NFRKB: variants seen among roughly 807,000 people sequenced by gnomAD.
The protein encoded by NFRKB is nuclear factor related to kappa-B-binding protein.
A neutral mutation model predicts 135.7 loss-of-function variants in NFRKB; 62 were observed. The ratio of observed to expected loss-of-function variants is 0.46; its 90% CI spans 0.37 to 0.56. The LOEUF (loss-of-function observed/expected upper bound fraction) is 0.56. NFRKB is among the 20% of genes least tolerant of loss of function. The pLI is 0.00. For missense variants in NFRKB, 1,545 were observed against 1,662.0 expected (o/e 0.93, Z 1.22); for synonymous variants, 678 against 635.6 (o/e 1.07, Z -1.00).
In NFRKB at chr11:129,883,198, C is replaced by T. The variant is rs1323174147; in HGVS notation, c.825G>A (p.Pro275=). The change falls in exon 9 of 27, where the codon CCG becomes CCA. Residue 275 remains proline (P), a synonymous_variant. Coordinates refer to ENST00000682444, the MANE Select transcript of NFRKB (RefSeq NM_001143835.2). The part of the protein sequence containing the change: ...HEKRKHQPDH[P]DLLTGDLTLN... ...GAGTCAGGTCCCCTGTCAAAAGGTCCGGGTGATCCTAGATGTGATATCCAG... is the reference window on the plus strand; with the variant it reads ...GAGTCAGGTCCCCTGTCAAAAGGTCTGGGTGATCCTAGATGTGATATCCAG... 3.7e-6 allele frequency: 6 copies of T among 1,613,874 alleles called. No individual in the cohort carries two copies. The highest frequency in any genetic ancestry group is 4.2e-6 in the Non-Finnish European group (5 of 1,179,990).
chr11:129,889,429 T>C (rs541936953), intron 3 of NFRKB, among the ~76,000 whole-genome samples: 6 of 152,174 alleles, frequency 3.9e-5, no homozygotes, highest in East Asian at 3.9e-4. Flanking sequence ...GGTGGACATC[T>C]GAATTCCGCC....
At chr11:129,885,786 T>C (rs1274279135) in intron 5 of NFRKB, among the ~76,000 whole-genome samples, 177 bp from the exon 6 acceptor site, 2 of 152,240 alleles carry the variant, frequency 1.3e-5, no homozygotes, top group Non-Finnish European at 2.9e-5. Flanking sequence ...ATTGATTACA[T>C]GAAAAATCCC....
intron 6 of NFRKB, 142 bp from the exon 7 acceptor site, chr11:129,884,988 C>G: frequency 8.0e-7 from 1 of 1,257,276 alleles, no homozygotes; most frequent in Non-Finnish European, 1.1e-6. Context: ...GACCCTACCC[C>G]AGAGGAGCTG....
At chr11:129,881,277 G>GA (rs1491248541) in intron 13 of NFRKB, among the ~76,000 whole-genome samples, 166 bp downstream of exon 13, 1 of 152,156 alleles carries the variant, frequency 6.6e-6, no homozygotes, top group Non-Finnish European at 1.5e-5. Context: ...AACCCACCTT[G>GA]AGAGTACAAA....
intron 11 of NFRKB, 24 bp downstream of exon 11, chr11:129,882,062 C>T (rs926866469): frequency 6.3e-7 from 1 of 1,575,120 alleles, no homozygotes; most frequent in African/African-American, 1.4e-5. Context: ...TCTAATGTAC[C>T]TCCAACTTTT....
Position 129,864,832 on chromosome 11 carries a change from G to C in NFRKB, c.3793C>G (p.Pro1265Ala), listed in dbSNP as rs1201102684. The C allele has an allele frequency of 6.2e-7, 1 of 1,614,162 alleles. No individual in the cohort carries two copies. Among genetic ancestry groups the C allele is most frequent in the South Asian group, 1.1e-5 (1 of 91,090 alleles). Residue 1265 changes from proline (P) to alanine (A), a missense_variant, in exon 27 of 27, where the codon CCT becomes GCT. This residue lies in a region of NFRKB where 753 missense variants were observed against 804.3 expected (regional missense o/e 0.94). Transcript: ENST00000682444. ...QATQVRIQTVPASHLQQGTAS... is the reference protein window; with the variant it reads ...QATQVRIQTVAASHLQQGTAS... ...GTTCCCTGTTGGAGATGGGATGCAGGGACAGTCTGGATGCGCACCTGTTTG... is the reference window on the plus strand; with the variant it reads ...GTTCCCTGTTGGAGATGGGATGCAGCGACAGTCTGGATGCGCACCTGTTTG...
At chr11:129,885,892 T>A (rs61913691) in intron 5 of NFRKB, among the ~76,000 whole-genome samples, 51,264 of 152,000 alleles carry the variant, frequency 0.34, 9,899 homozygotes, top group East Asian at 0.46. Context: ...TGACTTAAAA[T>A]CCAAACAGCT....
chr11:129,886,210 C>T (rs1247217907), intron 5 of NFRKB, 107 bp downstream of exon 5: 17 of 1,281,450 alleles, frequency 1.3e-5, no homozygotes, highest in Non-Finnish European at 1.9e-5. Flanking sequence ...TAATTGGTAG[C>T]ATTTTTTTCT....
chr11:129,892,855 C>T lies in NFRKB; in HGVS notation c.-6G>A. On this transcript the variant is annotated 5_prime_UTR_variant, in exon 3 of 27. Coordinates refer to ENST00000682444, the MANE Select transcript of NFRKB (RefSeq NM_001143835.2). Reference sequence around the variant, plus strand: ...ATATGGTCTAAGGAATCCATTGTTTCTTCTCCACAGGTACTCTGGACAAAG... The same window carrying T: ...ATATGGTCTAAGGAATCCATTGTTTTTTCTCCACAGGTACTCTGGACAAAG... The T allele has an allele frequency of 6.2e-7, 1 of 1,614,200 alleles. No individual in the cohort carries two copies. The highest frequency in any genetic ancestry group is 8.5e-7 in the Non-Finnish European group (1 of 1,180,034).
At chr11:129,872,085 T>C (rs1046099461) in intron 23 of NFRKB, among the ~76,000 whole-genome samples, 17 of 152,184 alleles carry the variant, frequency 1.1e-4, no homozygotes, top group African/African-American at 4.1e-4. Flanking sequence ...CTTTCAAATG[T>C]CACCTCCCCA....
Position 129,873,774 on chromosome 11 carries a change from T to C in NFRKB, c.2521A>G (p.Thr841Ala). ...PAGPQIRVPA[T>A]ATQTKVVPQT... is the part of the protein sequence containing the mutation. ...GGCACTACTTTGGTCTGTGTGGCAGTGGCTGGAACCCGGATCTGCGGTCCT... is the reference window on the plus strand; with the variant it reads ...GGCACTACTTTGGTCTGTGTGGCAGCGGCTGGAACCCGGATCTGCGGTCCT... Residue 841 changes from threonine to alanine, a missense_variant, in exon 22 of 27, where the codon ACT becomes GCT. Physicochemically the swap from Thr to Ala is moderately conservative, Grantham distance 58 (BLOSUM62 0). Transcript: ENST00000682444. 1.9e-6 allele frequency: 3 copies of C among 1,614,098 alleles called. No individual in the cohort carries two copies. Among genetic ancestry groups the C allele is most frequent in the Non-Finnish European group, 2.5e-6 (3 of 1,179,966 alleles).
At chr11:129,868,135 A>C (rs1477185291) in intron 24 of NFRKB, among the ~76,000 whole-genome samples, 1 of 152,190 alleles carries the variant, frequency 6.6e-6, no homozygotes, top group Non-Finnish European at 1.5e-5. Context: ...AGATCTGTAG[A>C]GCAAAAGACT....
rs1194659499 is a variant in NFRKB at position 129,883,020 on chromosome 11, C to G, written c.901+102G>C. 2.0e-5 allele frequency: 20 copies of G among 1,020,746 alleles called. No individual in the cohort carries two copies. The Middle Eastern group carries it at 8.2e-4, about 42-fold the overall frequency. 63.2% of individuals were successfully genotyped at this position (1,020,746 alleles called of 1,614,324 possible). A position where few individuals can be genotyped will look rare whatever the true frequency, so the allele number is the denominator to read the frequency against. On this transcript the variant is annotated intron_variant, in intron 9 of 26. Coordinates refer to ENST00000682444, the MANE Select transcript of NFRKB (RefSeq NM_001143835.2). The stretch of plus-strand genomic sequence containing the variant: ...AAGAGGTAATAATAAAGGTTACCAG[C>G]ATGAGAGAGGCCATGGTTTCATTTA...
rs775444771 is a variant in NFRKB, at chr11:129,888,789, T to C, written c.142A>G (p.Ile48Val). ...GAGAGGCTGACAACATCAAAGAAGA[T>C]CTCAGGCTAGGAGAAATAGGAAAAG... ...LPEDLLEDPE[I>V]FFDVVSLSTW... Residue 48 changes from isoleucine (I) to valine (V), a missense_variant, in exon 4 of 27, where the codon ATC becomes GTC. This residue lies in a region of NFRKB where 678 missense variants were observed against 646.7 expected (regional missense o/e 1.05). Coordinates refer to ENST00000682444, the MANE Select transcript of NFRKB (RefSeq NM_001143835.2). 2.2e-5 allele frequency: 36 copies of C among 1,612,252 alleles called. No individual in the cohort carries two copies. Among genetic ancestry groups the C allele is most frequent in the Non-Finnish European group, 3.1e-5 (36 of 1,178,646 alleles).
At position 129,883,162 on chromosome 11, in the gene NFRKB, G is replaced by A; in HGVS notation, c.861C>T (p.Ile287=). Residue 287 remains isoleucine, a synonymous_variant, in exon 9 of 27, where the codon ATC becomes ATT. Transcript: ENST00000682444. ...LLTGDLTLND[I]MTRVNAGRKG... ...TCCTGCCAGCATTTACTCGAGTCATGATGTCATTGAGAGTCAGGTCCCCTG... is the reference window on the plus strand; with the variant it reads ...TCCTGCCAGCATTTACTCGAGTCATAATGTCATTGAGAGTCAGGTCCCCTG... The A allele has an allele frequency of 6.2e-7, 1 of 1,614,126 alleles. No homozygotes were observed. The highest frequency in any genetic ancestry group is 2.2e-5 in the East Asian group (1 of 44,870).
intron 23 of NFRKB, 24 bp downstream of exon 23, chr11:129,872,860 C>G (rs752853257): frequency 1.3e-6 from 2 of 1,566,972 alleles, no homozygotes; most frequent in South Asian, 2.4e-5. Context: ...GGATTGAGAT[C>G]CACGTGGAAA....
At chr11:129,890,740 T>A (rs917232128) in intron 3 of NFRKB, among the ~76,000 whole-genome samples, 1 of 152,196 alleles carries the variant, frequency 6.6e-6, no homozygotes, top group Non-Finnish European at 1.5e-5. Flanking sequence ...ACCTTAATGA[T>A]GACAATGACG....
At chr11:129,868,064 G>C (rs1011511399) in intron 24 of NFRKB, among the ~76,000 whole-genome samples, 16 of 151,912 alleles carry the variant, frequency 1.1e-4, no homozygotes, top group Non-Finnish European at 2.2e-4. Flanking sequence ...GGAAGACACA[G>C]ACACGAAACC....
chr11:129,892,836 T>G lies in NFRKB; in HGVS notation c.14A>C (p.Asp5Ala). The G allele has an allele frequency of 1.9e-6, 3 of 1,614,102 alleles. No individual in the cohort carries two copies. Among genetic ancestry groups the G allele is most frequent in the South Asian group, 2.2e-5 (2 of 91,080 alleles). ...TTCCAGAGGATCTGTCAGCATATGG[T>G]CTAAGGAATCCATTGTTTCTTCTCC... is the stretch of plus-strand genomic sequence containing the variant. MDSL[D>A]HMLTDPLELG... The change falls in exon 3 of 27, where the codon GAC becomes GCC. Residue 5 changes from aspartate to alanine, a missense_variant. Asp to Ala is a moderately radical substitution (Grantham distance 126). Around this residue, in one of 3 missense-constraint regions of NFRKB, gnomAD observed 678 missense variants for 646.7 expected, o/e 1.05. Coordinates refer to ENST00000682444, the MANE Select transcript of NFRKB (RefSeq NM_001143835.2).
Sources: allele counts gnomAD v4.1 joint callset (sites outside exome capture counted in the v4.1 genomes callset), GRCh38; gene constraint gnomAD v4.1.1; regional missense constraint gnomAD v4.1.1; transcripts MANE v1.5; gene names NCBI Gene and HGNC (gene_info 2026-07-23, HGNC 2026-07-21).